ATG14: variants seen among roughly 807,000 people sequenced by gnomAD.
ATG14 encodes beclin 1-associated autophagy-related key regulator.
In ATG14, 35 loss-of-function variants were observed where a neutral mutation model predicts 60.4. That is an observed-to-expected ratio of 0.58 (90% CI 0.44 to 0.77). The LOEUF (loss-of-function observed/expected upper bound fraction) is 0.77, where lower values mean the gene tolerates loss of function less well. Ranked by LOEUF, ATG14 falls within the 30% of genes least tolerant of loss-of-function variation. The pLI, the probability that ATG14 is intolerant of heterozygous loss-of-function variation, is 0.00. For synonymous variants in ATG14, 234 were observed against 228.8 expected, an observed-to-expected ratio of 1.02 and a Z score of -0.21; for missense variants, 647 against 626.3, an observed-to-expected ratio of 1.03 and a Z score of -0.35.
intron 1 of ATG14, among the ~76,000 whole-genome samples, chr14:55,410,124 T>C (rs1885548691): frequency 6.6e-6 from 1 of 152,190 alleles, no homozygotes; most frequent in African/African-American, 2.4e-5. Flanking sequence ...TGACATTTAC[T>C]GGGTTGGGAT....
chr14:55,382,385 T>C (rs72717743), intron 5 of ATG14, among the ~76,000 whole-genome samples, 194 bp from the exon 6 acceptor site: 1,705 of 152,296 alleles, frequency 0.011, 14 homozygotes, highest in Middle Eastern at 0.027. Flanking sequence ...GATGTAATCA[T>C]AGCTCACTGA....
intron 6 of ATG14, among the ~76,000 whole-genome samples, 185 bp from the exon 7 acceptor site, chr14:55,380,875 A>ATATATATATATATT (rs377330757): frequency 8.9e-6 from 1 of 112,730 alleles, no homozygotes; most frequent in Non-Finnish European, 1.7e-5. Flanking sequence ...ATATATATAT[A>ATATATATATATATT]TTTTTTTTTT....
chr14:55,374,225 T>A (rs1884877703), intron 9 of ATG14, among the ~76,000 whole-genome samples: 2 of 151,944 alleles, frequency 1.3e-5, no homozygotes, highest in Admixed American at 6.6e-5. Context: ...TGTTTTTTTT[T>A]AAAGAGATGG....
At chr14:55,374,184 G>C (rs1180734309) in intron 9 of ATG14, among the ~76,000 whole-genome samples, 4 of 151,994 alleles carry the variant, frequency 2.6e-5, no homozygotes, top group Non-Finnish European at 5.9e-5. Flanking sequence ...AACTTGTTTT[G>C]AATTGCATTT....
intron 4 of ATG14, among the ~76,000 whole-genome samples, chr14:55,388,633 C>T (rs1241378402): frequency 1.3e-5 from 2 of 152,212 alleles, no homozygotes; most frequent in African/African-American, 4.8e-5. Context: ...AGAAATAATT[C>T]ATCAGTCTCT....
At position 55,369,889 on chromosome 14, in the gene ATG14, C is replaced by G. The variant is rs201913375; in HGVS notation, c.1209G>C (p.Glu403Asp). 6.2e-7 allele frequency: 1 copy of G among 1,613,794 alleles called. No homozygotes were observed. The highest frequency in any genetic ancestry group is 1.3e-5 in the African/African-American group (1 of 74,926). ...GPFEVRADLEESMEFVDPGVA... is the reference protein window; with the variant it reads ...GPFEVRADLEDSMEFVDPGVA... ...CTCCGGGATCCACAAATTCCATGGA[C>G]TCCTCAAGGTCTGCTCGTACTTCAA... Residue 403 changes from glutamate (E) to aspartate (D), a missense_variant, in exon 10 of 10, where the codon GAG (glutamate) becomes GAC (aspartate). Coordinates refer to ENST00000247178, the MANE Select transcript of ATG14 (RefSeq NM_014924.5).
intron 5 of ATG14, among the ~76,000 whole-genome samples, chr14:55,384,890 T>C (rs976851072): frequency 5.9e-5 from 9 of 152,198 alleles, no homozygotes; most frequent in African/African-American, 1.7e-4. Flanking sequence ...TTTAAAGATA[T>C]AGAAATATTA....
At chr14:55,406,534 G>A (rs1439801430) in intron 1 of ATG14, among the ~76,000 whole-genome samples, 2 of 152,174 alleles carry the variant, frequency 1.3e-5, no homozygotes, top group Non-Finnish European at 2.9e-5. Context: ...TTGACAGTCG[G>A]TAAAAATCCT....
intron 9 of ATG14, among the ~76,000 whole-genome samples, chr14:55,376,693 T>A (rs1481401150): frequency 6.6e-6 from 1 of 152,180 alleles, no homozygotes; most frequent in African/African-American, 2.4e-5. Context: ...TTTCAGTAGA[T>A]GGATGATGCG....
rs1396987992 is a variant in ATG14 at position 55,367,183 on chromosome 14, G to A, written c.*2436C>T. 1 of 152,176 alleles carries A rather than the reference G, an allele frequency of 6.6e-6. No individual in the cohort carries two copies. Among genetic ancestry groups the A allele is most frequent in the Non-Finnish European group, 1.5e-5 (1 of 68,032 alleles). 9.4% of individuals were successfully genotyped at this position (152,176 alleles called of 1,614,324 possible). A position where few individuals can be genotyped will look rare whatever the true frequency, so the allele number is the denominator to read the frequency against. The stretch of plus-strand genomic sequence containing the variant: ...ATTCATGGTTTCATAAGAGGCTTAA[G>A]AAAACCATGACTGTTGTGCATCTCT... On this transcript the variant is annotated 3_prime_UTR_variant, in exon 10 of 10. Transcript: ENST00000247178.
In ATG14 at chr14:55,388,410, G is replaced by A. The variant is rs183754495; in HGVS notation, c.410-2314C>T. Among the ~76,000 whole-genome samples, 47 of 152,272 alleles carry A rather than the reference G, an allele frequency of 3.1e-4. No homozygotes were observed. The South Asian group carries it at 8.7e-3, about 28-fold the overall frequency. The stretch of plus-strand genomic sequence containing the variant: ...GCACCCAGTGCAGACTCAGCAGGCA[G>A]TCATCCTCTCTCCCTACCATCTCCC... On this transcript the variant is annotated intron_variant, in intron 4 of 9. Coordinates refer to ENST00000247178, the MANE Select transcript of ATG14 (RefSeq NM_014924.5).
In ATG14 at chr14:55,368,429, A is replaced by C. The variant is rs569959777; in HGVS notation, c.*1190T>G. Reference sequence around the variant, plus strand: ...GAAACAGGGTTTCACCATGTTAGCCAGGCTGCTCTCAAACTCCTGACCTCA... The same window carrying C: ...GAAACAGGGTTTCACCATGTTAGCCCGGCTGCTCTCAAACTCCTGACCTCA... On this transcript the variant is annotated 3_prime_UTR_variant, in exon 10 of 10. Coordinates refer to ENST00000247178, the MANE Select transcript of ATG14 (RefSeq NM_014924.5). 43 of 152,378 alleles carry C rather than the reference A, an allele frequency of 2.8e-4. No homozygotes were observed. Among genetic ancestry groups the C allele is most frequent in the African/African-American group, 1.0e-3 (42 of 41,570 alleles). 9.4% of individuals were successfully genotyped at this position (152,378 alleles called of 1,614,324 possible).
chr14:55,403,790 C>T (rs533244446), intron 1 of ATG14, among the ~76,000 whole-genome samples: 1 of 152,010 alleles, frequency 6.6e-6, no homozygotes, highest in East Asian at 1.9e-4. Context: ...AATAGAGGCA[C>T]CTTTATGTGG....
chr14:55,396,769 T>G (rs749154104), intron 2 of ATG14, among the ~76,000 whole-genome samples: 16 of 152,126 alleles, frequency 1.1e-4, no homozygotes, highest in Admixed American at 2.6e-4. Flanking sequence ...ACCAGAAGGT[T>G]CTATAGGACA....
intron 1 of ATG14, among the ~76,000 whole-genome samples, chr14:55,403,805 A>T (rs1885448563): frequency 6.6e-6 from 1 of 152,230 alleles, no homozygotes; most frequent in Non-Finnish European, 1.5e-5. Context: ...ATGTGGTGGG[A>T]TTGTGAGAGA....
intron 3 of ATG14, among the ~76,000 whole-genome samples, chr14:55,391,879 C>T (rs906650195): frequency 1.3e-5 from 2 of 152,158 alleles, no homozygotes; most frequent in African/African-American, 4.8e-5. Flanking sequence ...TGGCAAAAAA[C>T]ATTATTTTTT....
At chr14:55,393,799 T>G (rs1015128759) in intron 3 of ATG14, among the ~76,000 whole-genome samples, 11 of 152,074 alleles carry the variant, frequency 7.2e-5, no homozygotes, top group African/African-American at 2.7e-4. Context: ...GCAATCCACC[T>G]CGGACTCCCA....
chr14:55,372,347 C>T (rs1250398018), intron 9 of ATG14, among the ~76,000 whole-genome samples: 4 of 152,132 alleles, frequency 2.6e-5, no homozygotes, highest in African/African-American at 9.7e-5. Context: ...TGGCACGCAC[C>T]CACTAAAAAA....
chr14:55,407,937 A>T (rs1250974174), intron 1 of ATG14, among the ~76,000 whole-genome samples: 2 of 152,128 alleles, frequency 1.3e-5, no homozygotes, highest in African/African-American at 4.8e-5. Flanking sequence ...GCAAGGAAAA[A>T]GCCCCATTGG....
Sources: allele counts gnomAD v4.1 joint callset (sites outside exome capture counted in the v4.1 genomes callset), GRCh38; gene constraint gnomAD v4.1.1; transcripts MANE v1.5; gene names NCBI Gene and HGNC (gene_info 2026-07-23, HGNC 2026-07-21).